Variants in NAALADL2 observed in about 807,000 individuals in gnomAD.
NAALADL2 encodes N-acetylated alpha-linked acidic dipeptidase like 2, also known as inactive N-acetylated-alpha-linked acidic dipeptidase-like protein 2.
NAALADL2 carries 76 observed loss-of-function variants against 87.2 expected under a neutral mutation model. That is an observed-to-expected ratio of 0.87 (90% CI 0.72 to 1.05). NAALADL2 has a LOEUF of 1.05. Among genes scored for constraint, NAALADL2 ranks in the 50% least tolerant of loss-of-function variants. The pLI, the probability that NAALADL2 is intolerant of heterozygous loss-of-function variation, is 0.00. For missense variants in NAALADL2, 1,089 were observed against 945.8 expected (o/e 1.15, Z -1.99); for synonymous variants, 354 against 331.0 (o/e 1.07, Z -0.75).
chr3:175,644,014 G>A (rs1729641211), intron 11 of NAALADL2, among the ~76,000 whole-genome samples: 1 of 152,060 alleles, frequency 6.6e-6, no homozygotes, highest in South Asian at 2.1e-4. Context: ...AGGTGCCTTG[G>A]TGTGGTTTAA....
At chr3:174,502,011 C>G (rs1718929721) in intron 1 of NAALADL2, among the ~76,000 whole-genome samples, 2 of 151,986 alleles carry the variant, frequency 1.3e-5, no homozygotes, top group Non-Finnish European at 2.9e-5. Context: ...TAGGTAAGAG[C>G]TATTTTTTGA....
chr3:175,343,655 G>GTTTTTTTTTTGTTTTT (rs771915195), intron 5 of NAALADL2, among the ~76,000 whole-genome samples: 2 of 64,722 alleles, frequency 3.1e-5, no homozygotes, highest in African/African-American at 4.6e-5. Context: ...TCTTGATCAT[G>GTTTTTTTTTTGTTTTT]TTTTTTTTTT....
chr3:175,206,892 C>T (rs1271169873), intron 2 of NAALADL2, among the ~76,000 whole-genome samples: 1 of 151,988 alleles, frequency 6.6e-6, no homozygotes, highest in Non-Finnish European at 1.5e-5. Context: ...TAAAGCTACT[C>T]AGGTCTTTAA....
At chr3:175,446,191 G>C (rs947103211) in intron 5 of NAALADL2, among the ~76,000 whole-genome samples, 4 of 133,780 alleles carry the variant, frequency 3.0e-5, no homozygotes, top group African/African-American at 1.1e-4. Context: ...GAAGGTTTCT[G>C]TATGCCAAAA....
intron 2 of NAALADL2, among the ~76,000 whole-genome samples, chr3:174,673,738 C>T (rs1273405568): frequency 6.6e-6 from 1 of 151,768 alleles, no homozygotes; most frequent in Non-Finnish European, 1.5e-5. Flanking sequence ...CATTGGCTAG[C>T]ACAATAGGGT....
intron 9 of NAALADL2, among the ~76,000 whole-genome samples, chr3:175,573,466 A>G (rs1372359690): frequency 1.3e-5 from 2 of 152,206 alleles, no homozygotes; most frequent in Admixed American, 1.3e-4. Context: ...CTATTCAGTA[A>G]ATCTGAATGA....
At chr3:174,840,649 A>AT (rs1350076280) in intron 3 of NAALADL2, among the ~76,000 whole-genome samples, 4 of 152,166 alleles carry the variant, frequency 2.6e-5, no homozygotes, top group Admixed American at 1.3e-4. Context: ...TCATCCTGTG[A>AT]TTTTTTAAAA....
intron 2 of NAALADL2, among the ~76,000 whole-genome samples, chr3:174,721,752 T>G (rs1731732656): frequency 6.6e-6 from 1 of 152,126 alleles, no homozygotes; most frequent in African/African-American, 2.4e-5. Flanking sequence ...GTGCTGGTTC[T>G]CCCAGCCCAG....
At chr3:175,783,765 A>T (rs905803485) in intron 13 of NAALADL2, among the ~76,000 whole-genome samples, 1 of 150,920 alleles carries the variant, frequency 6.6e-6, no homozygotes, top group Non-Finnish European at 1.5e-5. Flanking sequence ...GAGACAGGGC[A>T]TCCCTGTCTT....
At chr3:174,634,430 G>A (rs144642637) in intron 2 of NAALADL2, among the ~76,000 whole-genome samples, 5 of 151,874 alleles carry the variant, frequency 3.3e-5, no homozygotes, top group African/African-American at 9.7e-5. Flanking sequence ...ACAGAGTTTG[G>A]GCCTATTTGA....
intron 2 of NAALADL2, among the ~76,000 whole-genome samples, chr3:175,123,711 G>T (rs1470273007): frequency 6.6e-6 from 1 of 151,790 alleles, no homozygotes; most frequent in Non-Finnish European, 1.5e-5. Flanking sequence ...AATCTTTCAA[G>T]AGTCAACTTA....
chr3:175,584,398 CA>C (rs1720247680), intron 10 of NAALADL2, among the ~76,000 whole-genome samples: 6 of 146,140 alleles, frequency 4.1e-5, no homozygotes, highest in African/African-American at 1.7e-4. Flanking sequence ...GAAAACTGGC[CA>C]AGGTCACCCA....
intron 1 of NAALADL2, among the ~76,000 whole-genome samples, chr3:175,005,443 A>G (rs576722668): frequency 6.6e-6 from 1 of 152,256 alleles, no homozygotes; most frequent in African/African-American, 2.4e-5. Flanking sequence ...CTTCCTCTCA[A>G]TGTCGAACCT....
At chr3:174,664,544 T>C (rs1033227786) in intron 2 of NAALADL2, among the ~76,000 whole-genome samples, 42 of 152,190 alleles carry the variant, frequency 2.8e-4, no homozygotes, top group African/African-American at 9.9e-4. Flanking sequence ...TTCTTTGACA[T>C]TGTATTAAAA....
At chr3:174,479,390 A>G (rs1462749843) in intron 1 of NAALADL2, among the ~76,000 whole-genome samples, 1 of 152,138 alleles carries the variant, frequency 6.6e-6, no homozygotes, top group Non-Finnish European at 1.5e-5. Flanking sequence ...CATTATCACT[A>G]TTTTTCATAT....
intron 2 of NAALADL2, among the ~76,000 whole-genome samples, chr3:174,560,162 T>C (rs776857934): frequency 1.7e-4 from 26 of 152,330 alleles, no homozygotes; most frequent in Non-Finnish European, 3.2e-4. Flanking sequence ...ACATTATAGA[T>C]GAGATGTAGA....
intron 2 of NAALADL2, among the ~76,000 whole-genome samples, chr3:174,557,238 G>T (rs1463115856): frequency 6.6e-6 from 1 of 151,758 alleles, no homozygotes; most frequent in Non-Finnish European, 1.5e-5. Context: ...TGACCTACAC[G>T]AAATAGTTGA....
chr3:174,571,462 C>T (rs981625618), intron 2 of NAALADL2, among the ~76,000 whole-genome samples: 9 of 152,162 alleles, frequency 5.9e-5, no homozygotes, highest in Non-Finnish European at 1.2e-4. Context: ...CCAAAAACTC[C>T]GCCTCCTGGG....
intron 1 of NAALADL2, among the ~76,000 whole-genome samples, chr3:174,867,961 A>G (rs1727360823): frequency 6.6e-6 from 1 of 152,066 alleles, no homozygotes. Flanking sequence ...TAAGAATGAA[A>G]AGGCAAATAA....
Sources: allele counts gnomAD v4.1 joint callset (sites outside exome capture counted in the v4.1 genomes callset), GRCh38; gene constraint gnomAD v4.1.1; transcripts MANE v1.5; gene names NCBI Gene and HGNC (gene_info 2026-07-23, HGNC 2026-07-21).